Variants in CFAP61 observed in about 807,000 individuals in gnomAD.
CFAP61 encodes the protein cilia and flagella associated protein 61.
CFAP61 carries 107 observed loss-of-function variants against 135.6 expected under a neutral mutation model. The ratio of observed to expected loss-of-function variants is 0.79; its 90% CI spans 0.67 to 0.93. CFAP61 has a LOEUF of 0.93. Among genes scored for constraint, CFAP61 ranks in the 40% least tolerant of loss-of-function variants. The pLI, the probability that CFAP61 is intolerant of heterozygous loss-of-function variation, is 0.00. For missense variants in CFAP61, 1,507 were observed against 1,556.2 expected, an observed-to-expected ratio of 0.97 and a Z score of 0.53; for synonymous variants, 575 against 578.5, an observed-to-expected ratio of 0.99 and a Z score of 0.09.
At chr20:20,271,544 GCT>G (rs1296589469) in intron 21 of CFAP61, among the ~76,000 whole-genome samples, 4 of 152,138 alleles carry the variant, frequency 2.6e-5, no homozygotes, top group Admixed American at 6.5e-5. Flanking sequence ...ATGACTTCGG[GCT>G]CCTTCTTGCT....
At chr20:20,055,446 C>T (rs2044236982) in intron 1 of CFAP61, among the ~76,000 whole-genome samples, 1 of 152,168 alleles carries the variant, frequency 6.6e-6, no homozygotes, top group Non-Finnish European at 1.5e-5. Flanking sequence ...CCGAGGGGCC[C>T]ATCCAAAGTC....
At chr20:20,232,245 G>A (rs1227273066) in intron 18 of CFAP61, among the ~76,000 whole-genome samples, 3 of 152,132 alleles carry the variant, frequency 2.0e-5, no homozygotes, top group Non-Finnish European at 4.4e-5. Flanking sequence ...TCTGTAAAGT[G>A]AACTCACTAT....
intron 20 of CFAP61, chr20:20,253,553 T>A: frequency 2.0e-6 from 1 of 489,426 alleles, no homozygotes; most frequent in South Asian, 1.5e-5. Flanking sequence ...ACGTTCAGCA[T>A]GACTCTGCAT....
rs1419572825 is a variant in CFAP61, at chr20:20,269,146, T to TATATATAC, written c.2503+6017_2503+6018insTATATACA. Among the ~76,000 whole-genome samples the TATATATAC allele has an allele frequency of 2.3e-4, 20 of 85,608 alleles. 1 individual carries two copies. Among genetic ancestry groups the TATATATAC allele is most frequent in the African/African-American group, 5.5e-4 (14 of 25,282 alleles). 56.2% of individuals were successfully genotyped at this position (85,608 alleles called of 152,430 possible). A position where few individuals can be genotyped will look rare whatever the true frequency, so the allele number is the denominator to read the frequency against. ...ATATATATATATATATATATATATA[T>TATATATAC]ACACACACACACACACACATACATA... On this transcript the variant is annotated intron_variant, in intron 21 of 26. Transcript: ENST00000245957.
At chr20:20,351,922 C>T (rs2058849461) in intron 26 of CFAP61, among the ~76,000 whole-genome samples, 1 of 151,740 alleles carries the variant, frequency 6.6e-6, no homozygotes, top group Admixed American at 6.6e-5. Context: ...CACAAAAGAC[C>T]CACAAATAGC....
chr20:20,265,876 C>T (rs1215218183), intron 21 of CFAP61: 2 of 190,914 alleles, frequency 1.0e-5, no homozygotes, highest in Non-Finnish European at 2.2e-5. Context: ...AGGTCATACT[C>T]AGACATAACT....
In CFAP61 at chr20:20,290,396, G is replaced by A; in HGVS notation, c.3216+5G>A. The A allele has an allele frequency of 6.4e-7, 1 of 1,563,136 alleles. No homozygotes were observed. The highest frequency in any genetic ancestry group is 8.8e-7 in the Non-Finnish European group (1 of 1,134,368). The stretch of plus-strand genomic sequence containing the variant: ...CAAATGGCACAGCCTAATTATGTAA[G>A]TATTATTTCTGAATTTCATTTTACT... On this transcript the variant is annotated splice_donor_5th_base_variant and intron_variant, in intron 24 of 26. Coordinates refer to ENST00000245957, the MANE Select transcript of CFAP61 (RefSeq NM_015585.4).
chr20:20,206,546 G>A (rs2056864645), intron 17 of CFAP61, among the ~76,000 whole-genome samples: 1 of 152,102 alleles, frequency 6.6e-6, no homozygotes, highest in African/African-American at 2.4e-5. Flanking sequence ...TTTTGTAATT[G>A]GCTTCTTAGC....
At chr20:20,325,318 G>A (rs939474834) in intron 25 of CFAP61, among the ~76,000 whole-genome samples, 2 of 152,178 alleles carry the variant, frequency 1.3e-5, no homozygotes, top group African/African-American at 4.8e-5. Context: ...ATACTGACAT[G>A]TACCCACCTT....
intron 17 of CFAP61, chr20:20,221,022 T>C (rs2048362586): frequency 6.6e-6 from 1 of 152,260 alleles, no homozygotes. Flanking sequence ...TGCCATGGAT[T>C]TACTTTATTC....
intron 8 of CFAP61, among the ~76,000 whole-genome samples, chr20:20,106,825 A>G (rs1051769796): frequency 6.6e-6 from 1 of 152,188 alleles, no homozygotes; most frequent in African/African-American, 2.4e-5. Flanking sequence ...TTTCAGATGG[A>G]AGGCTGAAAG....
intron 25 of CFAP61, among the ~76,000 whole-genome samples, chr20:20,328,269 A>G (rs942975850): frequency 2.6e-5 from 4 of 152,180 alleles, no homozygotes; most frequent in Admixed American, 6.5e-5. Context: ...TATATGGGGA[A>G]TGGAGCTGTT....
chr20:20,071,352 C>T (rs755264302), intron 3 of CFAP61, among the ~76,000 whole-genome samples: 65 of 151,828 alleles, frequency 4.3e-4, no homozygotes, highest in Non-Finnish European at 8.1e-4. Context: ...GAGCACCTGC[C>T]GTCTACACAA....
intron 17 of CFAP61, among the ~76,000 whole-genome samples, chr20:20,215,922 C>A (rs546803001): frequency 2.6e-5 from 4 of 152,042 alleles, no homozygotes; most frequent in Non-Finnish European, 5.9e-5. Context: ...TTCATTTAAC[C>A]CTCAAAAGTG....
rs773805276 is a variant in CFAP61, at chr20:20,196,726, T to C, written c.1747T>C (p.Phe583Leu). 1.9e-6 allele frequency: 3 copies of C among 1,614,098 alleles called. No individual in the cohort carries two copies. The highest frequency in any genetic ancestry group is 4.5e-5 in the East Asian group (2 of 44,892). The change falls in exon 16 of 27, where the codon TTT becomes CTT. Residue 583 changes from phenylalanine to leucine, a missense_variant. Coordinates refer to ENST00000245957, the MANE Select transcript of CFAP61 (RefSeq NM_015585.4). ...FFLKEILRLG[F>L]KSCLYYRVYP... ...TCTGAAGGAGATCCTGCGTTTAGGC[T>C]TTAAATCCTGTCTCTACTACCGTGT...
intron 16 of CFAP61, among the ~76,000 whole-genome samples, chr20:20,197,631 C>A (rs975075053): frequency 1.3e-5 from 2 of 152,042 alleles, no homozygotes; most frequent in Non-Finnish European, 2.9e-5. Flanking sequence ...TCACCCCCCT[C>A]CCCCACACGC....
chr20:20,338,462 AT>A (rs1569312373), intron 25 of CFAP61, among the ~76,000 whole-genome samples: 1 of 152,120 alleles, frequency 6.6e-6, no homozygotes. Context: ...GTTAAAAAAA[AT>A]CTTGGAAAAA....
At chr20:20,122,042 AC>A (rs2049685325) in intron 8 of CFAP61, among the ~76,000 whole-genome samples, 1 of 150,792 alleles carries the variant, frequency 6.6e-6, no homozygotes, top group Non-Finnish European at 1.5e-5. Context: ...ATTTTGTTGC[AC>A]CCATCACCCA....
intron 11 of CFAP61, among the ~76,000 whole-genome samples, chr20:20,165,721 C>T (rs903392587): frequency 1.3e-5 from 2 of 152,162 alleles, no homozygotes; most frequent in Admixed American, 6.5e-5. Context: ...AATAGCTGGA[C>T]AGTTCCTCTT....
Sources: gnomAD v4.1 joint callset for allele counts (sites outside exome capture counted in the v4.1 genomes callset) on GRCh38, gnomAD v4.1.1 for gene constraint, MANE v1.5 for transcripts, NCBI Gene and HGNC (gene_info 2026-07-23, HGNC 2026-07-21) for gene names.